ANKIB1: variants seen among roughly 807,000 people sequenced by gnomAD.
ANKIB1 encodes ankyrin repeat and IBR domain-containing protein 1.
A neutral mutation model predicts 122.1 loss-of-function variants in ANKIB1; 43 were observed. The observed-to-expected ratio is 0.35, with a 90% confidence interval of 0.28 to 0.45. The LOEUF is 0.45. ANKIB1 is among the 20% of genes least tolerant of loss of function. The pLI is 1.00. For missense variants in ANKIB1, 992 were observed against 1,329.5 expected, an observed-to-expected ratio of 0.75 and a Z score of 3.95; for synonymous variants, 390 against 442.0, an observed-to-expected ratio of 0.88 and a Z score of 1.48.
chr7:92,385,894 A>T (rs888567813), intron 11 of ANKIB1, among the ~76,000 whole-genome samples: 4 of 152,184 alleles, frequency 2.6e-5, no homozygotes, highest in Admixed American at 2.6e-4. Flanking sequence ...AATAAAATAA[A>T]AAATAAATAA....
intron 3 of ANKIB1, among the ~76,000 whole-genome samples, chr7:92,313,918 A>C (rs564024666): frequency 6.6e-6 from 1 of 152,292 alleles, no homozygotes; most frequent in South Asian, 2.1e-4. Flanking sequence ...ACATTACTTT[A>C]AAGGAGGATA....
chr7:92,362,905 G>T (rs940236689), intron 10 of ANKIB1, among the ~76,000 whole-genome samples: 1 of 149,868 alleles, frequency 6.7e-6, no homozygotes, highest in Non-Finnish European at 1.5e-5. Flanking sequence ...TCTCTGAGGG[G>T]ACTCCTTTTT....
In ANKIB1 at chr7:92,319,476, A is replaced by G; in HGVS notation, c.633A>G (p.Glu211=). 1 of 1,612,638 alleles carries G rather than the reference A, an allele frequency of 6.2e-7. No individual in the cohort carries two copies. Among genetic ancestry groups the G allele is most frequent in the African/African-American group, 1.3e-5 (1 of 74,924 alleles). The change falls in exon 4 of 20, where the codon GAA becomes GAG. Residue 211 remains glutamate (E), a synonymous_variant. Coordinates refer to ENST00000265742, the MANE Select transcript of ANKIB1 (RefSeq NM_019004.2). ...MVFSRDPEAE[E]IEAEYAALDK... is the part of the protein sequence containing the mutation. Reference sequence around the variant, plus strand: ...TCTCACGGGATCCCGAGGCTGAAGAAATAGAAGCTGAATATGCTGCATTAG... The same window carrying G: ...TCTCACGGGATCCCGAGGCTGAAGAGATAGAAGCTGAATATGCTGCATTAG...
At chr7:92,290,097 G>A (rs920427534) in intron 1 of ANKIB1, among the ~76,000 whole-genome samples, 7 of 152,332 alleles carry the variant, frequency 4.6e-5, no homozygotes, top group South Asian at 4.1e-4. Flanking sequence ...AATTACAGGC[G>A]TAAGCCACTG....
intron 8 of ANKIB1, among the ~76,000 whole-genome samples, chr7:92,351,737 T>G (rs1585121158): frequency 6.9e-6 from 1 of 144,958 alleles, no homozygotes; most frequent in Non-Finnish European, 1.5e-5. Flanking sequence ...TTTTTTTTTT[T>G]GGAGACGGAG....
In ANKIB1 at chr7:92,347,368, GTTC is replaced by G. The variant is rs575153284; in HGVS notation, c.1085+2309_1085+2311del. Among the ~76,000 whole-genome samples the G allele has an allele frequency of 6.6e-5, 10 of 152,208 alleles. No individual in the cohort carries two copies. In the South Asian group the frequency reaches 1.0e-3, roughly 16 times the overall value. On this transcript the variant is annotated intron_variant, in intron 7 of 19. Transcript: ENST00000265742. ...TGTATTTTTTGTGTAGCCCAAGACA[GTTC>G]TTCTTCCAGTGTGGCCCAGAAAAGC... is the stretch of plus-strand genomic sequence containing the variant.
At chr7:92,392,727 AC>A (rs1280822758) in intron 17 of ANKIB1, among the ~76,000 whole-genome samples, 1 of 152,098 alleles carries the variant, frequency 6.6e-6, no homozygotes, top group Non-Finnish European at 1.5e-5. Context: ...GGAAAACTTG[AC>A]TTTAATAATG....
Position 92,280,751 on chromosome 7 carries a change from C to T in ANKIB1, c.-90-14138C>T, listed in dbSNP as rs567180895. Among the ~76,000 whole-genome samples the T allele has an allele frequency of 1.4e-4, 21 of 152,318 alleles. No individual in the cohort carries two copies. The South Asian group carries it at 2.9e-3, about 21-fold the overall frequency. On this transcript the variant is annotated intron_variant, in intron 1 of 19. Transcript: ENST00000265742. Reference sequence around the variant, plus strand: ...CATTGGATCTATCATTCTCAAATCTCGCTGACAACTTTTATCTCTCATAAC... The same window carrying T: ...CATTGGATCTATCATTCTCAAATCTTGCTGACAACTTTTATCTCTCATAAC...
chr7:92,344,108 G>A (rs555949804), intron 6 of ANKIB1, among the ~76,000 whole-genome samples: 1 of 151,884 alleles, frequency 6.6e-6, no homozygotes, highest in South Asian at 2.1e-4. Context: ...TACTAGGTAG[G>A]CGCAAAAGTG....
intron 5 of ANKIB1, among the ~76,000 whole-genome samples, chr7:92,336,047 A>C (rs1288039385): frequency 2.0e-5 from 3 of 152,098 alleles, no homozygotes; most frequent in Non-Finnish European, 4.4e-5. Flanking sequence ...AGAATCTTGC[A>C]ACTATGTATG....
Position 92,296,118 on chromosome 7 carries a change from A to G in ANKIB1, c.188+952A>G, listed in dbSNP as rs141051459. Reference sequence around the variant, plus strand: ...TTCCAATTAAGCTGCTTTTTTTGCTATCTCCAAAACATGCCGTGAGGTTTC... The same window carrying G: ...TTCCAATTAAGCTGCTTTTTTTGCTGTCTCCAAAACATGCCGTGAGGTTTC... On this transcript the variant is annotated intron_variant, in intron 2 of 19. Transcript: ENST00000265742. Among the ~76,000 whole-genome samples the G allele has an allele frequency of 1.1e-4, 17 of 152,020 alleles. No individual in the cohort carries two copies. In the East Asian group the frequency reaches 3.1e-3, roughly 28 times the overall value.
intron 1 of ANKIB1, among the ~76,000 whole-genome samples, chr7:92,270,659 C>T (rs185160446): frequency 6.6e-6 from 1 of 152,036 alleles, no homozygotes; most frequent in Non-Finnish European, 1.5e-5. Context: ...CTTGTCCTGT[C>T]CCTGTATAGT....
At chr7:92,373,493 G>T (rs1339368838) in intron 11 of ANKIB1, among the ~76,000 whole-genome samples, 1 of 152,096 alleles carries the variant, frequency 6.6e-6, no homozygotes, top group Non-Finnish European at 1.5e-5. Flanking sequence ...GCATTGAAAA[G>T]AAACATTTAC....
intron 4 of ANKIB1, among the ~76,000 whole-genome samples, chr7:92,321,293 A>G (rs917643102): frequency 6.6e-6 from 1 of 152,180 alleles, no homozygotes; most frequent in African/African-American, 2.4e-5. Flanking sequence ...TTATTTTGAA[A>G]TATACAATAC....
Position 92,295,067 on chromosome 7 carries a change from TA to T in ANKIB1, c.93del (p.Glu32AsnfsTer27). The T allele has an allele frequency of 6.3e-7, 1 of 1,597,860 alleles. No individual in the cohort carries two copies. The highest frequency in any genetic ancestry group is 8.5e-7 in the Non-Finnish European group (1 of 1,171,790). ...ACQIYENNPQLKESLDPNTSY... is the reference protein window; with the variant it reads ...ACQIYENNPQXKESLDPNTSY... ...CAAATATATGAAAACAATCCTCAGC[TA>T]AAAGAATCTCTTGATCCAAATACAT... On this transcript the variant is annotated frameshift_variant, in exon 2 of 20. Transcript: ENST00000265742. LOFTEE classifies it high-confidence loss of function.
intron 5 of ANKIB1, among the ~76,000 whole-genome samples, chr7:92,335,720 T>G (rs1408481416): frequency 1.3e-5 from 2 of 152,024 alleles, no homozygotes; most frequent in Non-Finnish European, 2.9e-5. Context: ...TTGGTTCAGT[T>G]CTTTATCCAT....
chr7:92,351,919 C>T (rs1189884276), intron 8 of ANKIB1, among the ~76,000 whole-genome samples: 2 of 151,916 alleles, frequency 1.3e-5, no homozygotes, highest in Admixed American at 6.6e-5. Flanking sequence ...TGGGGTTTCT[C>T]CATGTTGGCC....
At chr7:92,324,246 T>G (rs1802975640) in intron 4 of ANKIB1, among the ~76,000 whole-genome samples, 1 of 152,212 alleles carries the variant, frequency 6.6e-6, no homozygotes, top group South Asian at 2.1e-4. Flanking sequence ...TTTAAAATTA[T>G]TTTTTGAGAC....
At position 92,246,499 on chromosome 7, in the gene ANKIB1, C is replaced by T. The variant is rs780105369; in HGVS notation, c.-111C>T. ...GAGTTGCTGGGTCCACCGACCCTTA[C>T]CCTCAGCGAGAGAAGTAACCGTAAG... On this transcript the variant is annotated 5_prime_UTR_variant, in exon 1 of 20. Coordinates refer to ENST00000265742, the MANE Select transcript of ANKIB1 (RefSeq NM_019004.2). 5 of 518,442 alleles carry T rather than the reference C, an allele frequency of 9.6e-6. No individual in the cohort carries two copies. The highest frequency in any genetic ancestry group is 1.9e-5 in the African/African-American group (1 of 51,962). The allele number at this position is 518,442 out of a possible 1,614,324, so 32.1% of individuals were successfully genotyped here. A position where few individuals can be genotyped will look rare whatever the true frequency, so the allele number is the denominator to read the frequency against.
Sources: gnomAD v4.1 joint callset for allele counts (sites outside exome capture counted in the v4.1 genomes callset) on GRCh38, gnomAD v4.1.1 for gene constraint, MANE v1.5 for transcripts, NCBI Gene and HGNC (gene_info 2026-07-23, HGNC 2026-07-21) for gene names.